The following SRGAP1 variants were observed in gnomAD, a reference collection of about 807,000 sequenced individuals.
SRGAP1 encodes SLIT-ROBO Rho GTPase-activating protein 1.
In SRGAP1, 43 loss-of-function variants were observed where a neutral mutation model predicts 121.9. The ratio of observed to expected loss-of-function variants is 0.35; its 90% CI spans 0.28 to 0.46. The LOEUF (loss-of-function observed/expected upper bound fraction) is 0.46, where lower values mean the gene tolerates loss of function less well. Among genes scored for constraint, SRGAP1 ranks in the 20% least tolerant of loss-of-function variants. The pLI is 1.00. For synonymous variants in SRGAP1, 447 were observed against 485.4 expected (o/e 0.92, Z 1.04); for missense variants, 1,102 against 1,350.9 (o/e 0.82, Z 2.89).
chr12:64,032,461 A>G (rs1593062094), intron 4 of SRGAP1: 1 of 842,776 alleles, frequency 1.2e-6, no homozygotes, highest in East Asian at 2.6e-5. Context: ...CCACCATTGG[A>G]TTGCTTTGTG....
intron 6 of SRGAP1, among the ~76,000 whole-genome samples, chr12:64,053,738 AATT>A (rs1470479358): frequency 6.6e-6 from 1 of 152,188 alleles, no homozygotes; most frequent in Non-Finnish European, 1.5e-5. Context: ...TATCAGTGAT[AATT>A]ATTATCCCCA....
At position 63,894,495 on chromosome 12, in the gene SRGAP1, C is replaced by G. The variant is rs539238419; in HGVS notation, c.67+49612C>G. Among the ~76,000 whole-genome samples, 11 of 150,694 alleles carry G rather than the reference C, an allele frequency of 7.3e-5. No individual in the cohort carries two copies. The South Asian group carries it at 1.9e-3, about 26-fold the overall frequency. On this transcript the variant is annotated intron_variant, in intron 1 of 21. Transcript: ENST00000355086. ...TCTTTTTTTTTTTTTAATTATACTT[C>G]AAGTTCTAGGGTACATGTGCACAAC...
intron 8 of SRGAP1, among the ~76,000 whole-genome samples, chr12:64,067,881 T>A (rs1477941755): frequency 6.6e-6 from 1 of 151,584 alleles, no homozygotes; most frequent in African/African-American, 2.4e-5. Flanking sequence ...GTTGTGCCAC[T>A]GCACTCTAGC....
intron 18 of SRGAP1, among the ~76,000 whole-genome samples, chr12:64,124,020 C>G (rs758743219): frequency 2.0e-5 from 3 of 151,896 alleles, no homozygotes; most frequent in Non-Finnish European, 2.9e-5. Flanking sequence ...TGAGACCAGC[C>G]TTGGCAATGT....
chr12:64,131,603 A>T (rs1294777835), intron 21 of SRGAP1, among the ~76,000 whole-genome samples: 1 of 152,168 alleles, frequency 6.6e-6, no homozygotes, highest in Non-Finnish European at 1.5e-5. Flanking sequence ...CTGTCAAGTG[A>T]TCATAGGGAA....
At chr12:64,073,454 C>G (rs140622139) in intron 8 of SRGAP1, among the ~76,000 whole-genome samples, 40 of 152,248 alleles carry the variant, frequency 2.6e-4, no homozygotes, top group Admixed American at 1.8e-3. Context: ...AAAATTCCAA[C>G]AGATTTACAG....
chr12:64,020,056 C>T (rs2034504885), intron 4 of SRGAP1, among the ~76,000 whole-genome samples: 1 of 152,148 alleles, frequency 6.6e-6, no homozygotes, highest in South Asian at 2.1e-4. Context: ...TACAGTCAAC[C>T]TTTGTGGTGG....
At chr12:64,080,013 C>T (rs1032296065) in intron 9 of SRGAP1, among the ~76,000 whole-genome samples, 6 of 152,098 alleles carry the variant, frequency 3.9e-5, no homozygotes, top group African/African-American at 1.4e-4. Context: ...GAGGCCGAGG[C>T]AGGCGGATCA....
chr12:64,137,510 C>G (rs2036874841), intron 21 of SRGAP1, among the ~76,000 whole-genome samples: 1 of 152,052 alleles, frequency 6.6e-6, no homozygotes. Context: ...AGCATGCCAT[C>G]AAGGTGTTCA....
rs148162633 is a variant in SRGAP1 at position 64,070,310 on chromosome 12, C to CA, written c.1125+5094dup. ...ATCCCTCCCTTTAGCTATACATAGT[C>CA]AAAGAAAGAGAAAAGGAACTACTTT... is the stretch of plus-strand genomic sequence containing the variant. On this transcript the variant is annotated intron_variant, in intron 8 of 21. Transcript: ENST00000355086. Among the ~76,000 whole-genome samples the CA allele has an allele frequency of 1.0e-2, 1,519 of 152,230 alleles. 28 individuals carry two copies. The highest frequency in any genetic ancestry group is 0.035 in the African/African-American group (1,433 of 41,526).
At chr12:64,083,334 C>T (rs2035880953) in intron 10 of SRGAP1, among the ~76,000 whole-genome samples, 1 of 152,166 alleles carries the variant, frequency 6.6e-6, no homozygotes, top group Admixed American at 6.5e-5. Flanking sequence ...ACAAATAGAG[C>T]CTAACCCGAA....
chr12:64,013,839 G>A (rs1002614761), intron 3 of SRGAP1, among the ~76,000 whole-genome samples: 43 of 152,158 alleles, frequency 2.8e-4, no homozygotes, highest in African/African-American at 1.0e-3. Flanking sequence ...TAATCCTTAA[G>A]GGCCCTTTGG....
chr12:64,025,239 G>A (rs748108627), intron 4 of SRGAP1, among the ~76,000 whole-genome samples: 9 of 151,754 alleles, frequency 5.9e-5, no homozygotes, highest in African/African-American at 9.7e-5. Context: ...AACAGCCTCC[G>A]AGGACTGCGG....
chr12:64,019,578 C>G (rs1334474822), intron 4 of SRGAP1, among the ~76,000 whole-genome samples: 1 of 152,184 alleles, frequency 6.6e-6, no homozygotes, highest in Non-Finnish European at 1.5e-5. Context: ...CACACACACA[C>G]CCTCTCCCTT....
chr12:64,140,074 G>A (rs1387218864), intron 21 of SRGAP1, among the ~76,000 whole-genome samples: 9 of 145,488 alleles, frequency 6.2e-5, no homozygotes, highest in African/African-American at 1.3e-4. Flanking sequence ...TTATTTCTGA[G>A]GGCTCTGTTC....
chr12:64,088,078 G>A (rs76422404), intron 11 of SRGAP1, among the ~76,000 whole-genome samples: 1 of 152,180 alleles, frequency 6.6e-6, no homozygotes, highest in South Asian at 2.1e-4. Context: ...TTAGAACACT[G>A]GTATATCTGC....
At chr12:63,964,163 A>G (rs1248979576) in intron 1 of SRGAP1, among the ~76,000 whole-genome samples, 1 of 152,160 alleles carries the variant, frequency 6.6e-6, no homozygotes, top group East Asian at 1.9e-4. Context: ...CTCAGTCCTC[A>G]TCTGTAAAAC....
intron 1 of SRGAP1, among the ~76,000 whole-genome samples, chr12:63,851,390 C>T (rs952557209): frequency 5.3e-5 from 8 of 150,660 alleles, no homozygotes; most frequent in Non-Finnish European, 5.9e-5. Context: ...ACCAGGAGTT[C>T]GAGACCAGCC....
At chr12:64,093,508 T>G (rs1376249713) in intron 12 of SRGAP1, among the ~76,000 whole-genome samples, 1 of 152,186 alleles carries the variant, frequency 6.6e-6, no homozygotes, top group African/African-American at 2.4e-5. Context: ...TGATCTCTTT[T>G]TATCACTTAC....
Sources: gnomAD v4.1 joint callset for allele counts (sites outside exome capture counted in the v4.1 genomes callset) on GRCh38, gnomAD v4.1.1 for gene constraint, MANE v1.5 for transcripts, NCBI Gene and HGNC (gene_info 2026-07-23, HGNC 2026-07-21) for gene names.